The following ATE1 variants were observed in gnomAD, a reference collection of about 807,000 sequenced individuals.
ATE1 encodes arginyltransferase 1.
ATE1 carries 36 observed loss-of-function variants against 70.5 expected under a neutral mutation model. The observed-to-expected ratio is 0.51, with a 90% CI of 0.39 to 0.67. The LOEUF is 0.67. Ranked by LOEUF, ATE1 falls within the 30% of genes least tolerant of loss-of-function variation. The probability of loss-of-function intolerance (pLI) is 0.00; values close to 1 mark genes in which losing one functional copy is unlikely to be tolerated. For synonymous variants in ATE1, 232 were observed against 219.3 expected (o/e 1.06, Z -0.51); for missense variants, 593 against 629.5 (o/e 0.94, Z 0.62).
intron 10 of ATE1, among the ~76,000 whole-genome samples, chr10:121,811,444 AT>A (rs1380754002): frequency 1.3e-5 from 2 of 152,228 alleles, no homozygotes; most frequent in Non-Finnish European, 2.9e-5. Context: ...TTACAAATAA[AT>A]AGTTCAACAA....
intron 10 of ATE1, among the ~76,000 whole-genome samples, chr10:121,832,666 T>C (rs1316807222): frequency 6.6e-6 from 1 of 152,212 alleles, no homozygotes; most frequent in African/African-American, 2.4e-5. Flanking sequence ...CTCCCCACTA[T>C]GATTCTGAGG....
At chr10:121,873,540 C>A (rs1429178203) in intron 7 of ATE1, among the ~76,000 whole-genome samples, 2 of 151,852 alleles carry the variant, frequency 1.3e-5, no homozygotes, top group African/African-American at 4.8e-5. Flanking sequence ...TCCAAGTGCA[C>A]AAAATTGTAG....
chr10:121,767,502 T>G (rs1359387115), intron 11 of ATE1, among the ~76,000 whole-genome samples: 1 of 1,500 alleles, frequency 6.7e-4, no homozygotes, highest in Non-Finnish European at 1.2e-3. Context: ...TCAACAACCC[T>G]CCAAAGAACT....
chr10:121,772,007 C>T (rs945480196), intron 11 of ATE1, among the ~76,000 whole-genome samples: 2 of 152,150 alleles, frequency 1.3e-5, no homozygotes, highest in African/African-American at 2.4e-5. Flanking sequence ...ACAATATTCT[C>T]GTTGTTCTTT....
intron 8 of ATE1, among the ~76,000 whole-genome samples, chr10:121,855,142 C>G (rs1362099635): frequency 6.7e-6 from 1 of 149,768 alleles, no homozygotes; most frequent in Non-Finnish European, 1.5e-5. Context: ...AAATGGCAAC[C>G]CTCTCCCAGG....
chr10:121,831,040 T>C (rs984732875), intron 10 of ATE1, among the ~76,000 whole-genome samples: 1 of 152,184 alleles, frequency 6.6e-6, no homozygotes, highest in South Asian at 2.1e-4. Context: ...CTATAATTCC[T>C]GAAATCACAA....
At chr10:121,900,464 T>C (rs960024570) in intron 6 of ATE1, among the ~76,000 whole-genome samples, 1 of 152,222 alleles carries the variant, frequency 6.6e-6, no homozygotes, top group Non-Finnish European at 1.5e-5. Context: ...TTTTCCTACT[T>C]CATAGCATAG....
chr10:121,878,965 T>C (rs747938493), intron 7 of ATE1, among the ~76,000 whole-genome samples: 3 of 152,098 alleles, frequency 2.0e-5, no homozygotes, highest in Admixed American at 6.6e-5. Flanking sequence ...AATCCAGAGA[T>C]ACCAACAAGA....
chr10:121,875,015 C>CAGTGGCGGGCGCCT (rs1554919077), intron 7 of ATE1, among the ~76,000 whole-genome samples: 2 of 146,284 alleles, frequency 1.4e-5, no homozygotes, highest in African/African-American at 5.0e-5. Context: ...TAGCCGGGCA[C>CAGTGGCGGGCGCCT]GTAGTCCCAG....
intron 9 of ATE1, among the ~76,000 whole-genome samples, chr10:121,837,050 T>C (rs951394700): frequency 6.6e-6 from 1 of 152,224 alleles, no homozygotes; most frequent in Non-Finnish European, 1.5e-5. Context: ...TTACACTTTA[T>C]TGGACAAAGT....
chr10:121,909,791 A>C (rs1426492821), intron 5 of ATE1, among the ~76,000 whole-genome samples: 1 of 152,210 alleles, frequency 6.6e-6, no homozygotes, highest in Admixed American at 6.5e-5. Context: ...TCATGCCTGT[A>C]ATCTCAGCAC....
intron 11 of ATE1, among the ~76,000 whole-genome samples, chr10:121,765,321 CCAGACTCT>C (rs3036864): frequency 0.81 from 122,245 of 151,782 alleles, 49,630 homozygotes; most frequent in Non-Finnish European, 0.87. Flanking sequence ...AAAAGCTCTG[CCAGACTCT>C]CAGACTCTCA....
chr10:121,812,439 G>A (rs1191389478), intron 10 of ATE1, among the ~76,000 whole-genome samples: 2 of 152,256 alleles, frequency 1.3e-5, no homozygotes, highest in Non-Finnish European at 2.9e-5. Context: ...AGAAGAAGGA[G>A]GAGGAGGATG....
At chr10:121,749,085 C>A (rs1394121859) in intron 11 of ATE1, among the ~76,000 whole-genome samples, 1 of 152,156 alleles carries the variant, frequency 6.6e-6, no homozygotes, top group African/African-American at 2.4e-5. Flanking sequence ...ATAAAAATGG[C>A]ACAGAAACAT....
chr10:121,876,028 A>G (rs1950039201), intron 7 of ATE1, among the ~76,000 whole-genome samples: 1 of 152,196 alleles, frequency 6.6e-6, no homozygotes, highest in African/African-American at 2.4e-5. Flanking sequence ...AGAATTGCTC[A>G]CTGAAAATAC....
At chr10:121,818,256 CAAAAAAAAAAA>C (rs66792557) in intron 10 of ATE1, among the ~76,000 whole-genome samples, 2 of 63,408 alleles carry the variant, frequency 3.2e-5, no homozygotes, top group African/African-American at 7.0e-5. Flanking sequence ...GACTCCATCT[CAAAAAAAAAAA>C]AAAAAAAAAA....
chr10:121,913,018 T>C (rs1016919580), intron 4 of ATE1, among the ~76,000 whole-genome samples: 1 of 152,122 alleles, frequency 6.6e-6, no homozygotes, highest in Non-Finnish European at 1.5e-5. Context: ...TAGCTGGGAC[T>C]ACAGGCGCCT....
At chr10:121,776,746 G>A (rs558303155) in intron 11 of ATE1, among the ~76,000 whole-genome samples, 60 of 152,350 alleles carry the variant, frequency 3.9e-4, no homozygotes, top group Non-Finnish European at 7.2e-4. Context: ...GCATGCACGC[G>A]TGTGCACAGA....
At position 121,743,414 on chromosome 10, in the gene ATE1, A is replaced by G; in HGVS notation, c.*266T>C. 2 of 435,550 alleles carry G rather than the reference A, an allele frequency of 4.6e-6. No individual in the cohort carries two copies. Among genetic ancestry groups the G allele is most frequent in the Non-Finnish European group, 6.9e-6 (2 of 291,024 alleles). The allele number at this position is 435,550 out of a possible 1,614,324, so 27.0% of individuals were successfully genotyped here. On this transcript the variant is annotated 3_prime_UTR_variant, in exon 12 of 12. Transcript: ENST00000224652. Reference sequence around the variant, plus strand: ...TACAAAATACAAACAGGAGAATTTGAGCGTATCTTGCTCTAGAAAGAATCC... The same window carrying G: ...TACAAAATACAAACAGGAGAATTTGGGCGTATCTTGCTCTAGAAAGAATCC...
Sources: allele counts gnomAD v4.1 joint callset (sites outside exome capture counted in the v4.1 genomes callset), GRCh38; gene constraint gnomAD v4.1.1; transcripts MANE v1.5; gene names NCBI Gene and HGNC (gene_info 2026-07-23, HGNC 2026-07-21).